PLEKHG3: variants seen among roughly 807,000 people sequenced by gnomAD.
PLEKHG3 encodes pleckstrin homology and RhoGEF domain containing G3.
In PLEKHG3, 62 loss-of-function variants were observed where a neutral mutation model predicts 94.9. The ratio of observed to expected loss-of-function variants is 0.65; its 90% CI spans 0.53 to 0.81. The LOEUF (loss-of-function observed/expected upper bound fraction) is 0.81, where lower values mean the gene tolerates loss of function less well. PLEKHG3 is among the 30% of genes least tolerant of loss of function. PLEKHG3 has a pLI of 0.00. For synonymous variants in PLEKHG3, 614 were observed against 654.0 expected, an observed-to-expected ratio of 0.94 and a Z score of 0.93; for missense variants, 1,461 against 1,619.3, an observed-to-expected ratio of 0.90 and a Z score of 1.68.
At chr14:64,710,266 G>A (rs1034662130) in intron 1 of PLEKHG3, among the ~76,000 whole-genome samples, 3 of 152,178 alleles carry the variant, frequency 2.0e-5, no homozygotes, top group Admixed American at 1.3e-4. Context: ...CAAGAAGGTC[G>A]AGGACTCAAG....
At position 64,725,161 on chromosome 14, in the gene PLEKHG3, C is replaced by G. The variant is rs959672611; in HGVS notation, c.-39-2432C>G. ...CCAGAGAGGGACCCTCAAAAGGTCC[C>G]TTTTAGAGACAAATCTCCCTAATGG... On this transcript the variant is annotated intron_variant, in intron 1 of 16. Coordinates refer to ENST00000247226, the MANE Select transcript of PLEKHG3 (RefSeq NM_001308147.2). The surrounding 1 kb of genome is among the most constrained non-coding windows in gnomAD (Gnocchi z 5.0). Among the ~76,000 whole-genome samples the G allele has an allele frequency of 6.6e-6, 1 of 152,174 alleles. No homozygotes were observed. Among genetic ancestry groups the G allele is most frequent in the Non-Finnish European group, 1.5e-5 (1 of 68,022 alleles).
chr14:64,745,889 G>T lies in PLEKHG3; in HGVS notation c.*2186G>T, dbSNP rs989313833. 2 of 152,158 alleles carry T rather than the reference G, an allele frequency of 1.3e-5. No homozygotes were observed. Among genetic ancestry groups the T allele is most frequent in the African/African-American group, 4.8e-5 (2 of 41,408 alleles). 9.4% of individuals were successfully genotyped at this position (152,158 alleles called of 1,614,324 possible). On this transcript the variant is annotated 3_prime_UTR_variant, in exon 17 of 17. Transcript: ENST00000247226. The surrounding 1 kb of genome is among the most constrained non-coding windows in gnomAD (Gnocchi z 5.0). ...TGGCTGCCCATTGGAATTATCTGGG[G>T]AGCCTTCTGGAAACGCAGTGCTTAC... is the stretch of plus-strand genomic sequence containing the variant.
Position 64,728,853 on chromosome 14 carries a change from A to G in PLEKHG3, c.352-143A>G. On this transcript the variant is annotated intron_variant, in intron 2 of 16. Coordinates refer to ENST00000247226, the MANE Select transcript of PLEKHG3 (RefSeq NM_001308147.2). This position sits in a 1 kb window ranked among gnomAD's most constrained non-coding sequence, Gnocchi z 5.9. ...TCACATTCTGGGGTTCCAAGTGGAC[A>G]TGAATTTTGGGGTGGACACTGTCTC... is the stretch of plus-strand genomic sequence containing the variant. The G allele has an allele frequency of 2.0e-6, 1 of 510,586 alleles. No homozygotes were observed. 31.6% of individuals were successfully genotyped at this position (510,586 alleles called of 1,614,324 possible).
rs2139400090 is a variant in PLEKHG3, at chr14:64,743,231, C to T, written c.3188C>T (p.Ala1063Val). Residue 1063 changes from alanine (A) to valine (V), a missense_variant, in exon 17 of 17, where the codon GCA (alanine) becomes GTA (valine). By Grantham distance (64) the Ala-to-Val change is moderately conservative (BLOSUM62 0). Around this residue, in one of 3 missense-constraint regions of PLEKHG3, gnomAD observed 1,201 missense variants for 1,295.5 expected, o/e 0.93. Coordinates refer to ENST00000247226, the MANE Select transcript of PLEKHG3 (RefSeq NM_001308147.2). The surrounding 1 kb of genome is among the most constrained non-coding windows in gnomAD (Gnocchi z 7.2). The part of the protein sequence containing the change: ...LCSKYASRDE[A>V]RRAGGGRPRG... ...TCCAAGTATGCCTCCCGCGATGAGG[C>T]ACGCCGAGCAGGGGGCGGCCGGCCC... 1 of 1,607,898 alleles carries T rather than the reference C, an allele frequency of 6.2e-7. No homozygotes were observed. Among genetic ancestry groups the T allele is most frequent in the Non-Finnish European group, 8.5e-7 (1 of 1,179,144 alleles).
At chr14:64,737,186 C>A (rs2081588182) in intron 13 of PLEKHG3, 170 bp from the exon 14 acceptor site, 2 of 660,930 alleles carry the variant, frequency 3.0e-6, no homozygotes, top group African/African-American at 1.8e-5. Context: ...CTCTGTCAGT[C>A]ATTCTTTTGA....
rs1179803973 is a variant in PLEKHG3 at position 64,746,272 on chromosome 14, TGAGA to T, written c.*2572_*2575del. The T allele has an allele frequency of 1.3e-5, 2 of 152,296 alleles. No homozygotes were observed. The highest frequency in any genetic ancestry group is 4.8e-5 in the African/African-American group (2 of 41,444). 9.4% of individuals were successfully genotyped at this position (152,296 alleles called of 1,614,324 possible). A position where few individuals can be genotyped will look rare whatever the true frequency, so the allele number is the denominator to read the frequency against. On this transcript the variant is annotated 3_prime_UTR_variant, in exon 17 of 17. Coordinates refer to ENST00000247226, the MANE Select transcript of PLEKHG3 (RefSeq NM_001308147.2). The surrounding 1 kb of genome is among the most constrained non-coding windows in gnomAD (Gnocchi z 4.9). ...AGAGGAGGCTAGTTAAATAAGAAAC[TGAGA>T]GAAACATGGAGCATTATTGATTTAT...
intron 1 of PLEKHG3, among the ~76,000 whole-genome samples, chr14:64,712,887 T>A (rs2139361716): frequency 6.6e-6 from 1 of 152,352 alleles, no homozygotes; most frequent in African/African-American, 2.4e-5. Flanking sequence ...TTCTTACTAA[T>A]CTTAGTGAAA....
Position 64,738,088 on chromosome 14 carries a change from C to T in PLEKHG3, c.1405-654C>T. 7.7e-7 allele frequency: 1 copy of T among 1,302,466 alleles called. No homozygotes were observed. Among genetic ancestry groups the T allele is most frequent in the Non-Finnish European group, 1.0e-6 (1 of 996,726 alleles). The allele number at this position is 1,302,466 out of a possible 1,614,324, so 80.7% of individuals were successfully genotyped here. A position where few individuals can be genotyped will look rare whatever the true frequency, so the allele number is the denominator to read the frequency against. On this transcript the variant is annotated intron_variant, in intron 14 of 16. Coordinates refer to ENST00000247226, the MANE Select transcript of PLEKHG3 (RefSeq NM_001308147.2). The surrounding 1 kb of genome is among the most constrained non-coding windows in gnomAD (Gnocchi z 4.8). ...GGGGCTGGGCCGGAGCCCCCAGGCT[C>T]AGAGGAGGAGGAGGAGGAGCAGGAG...
Position 64,727,488 on chromosome 14 carries a change from A to G in PLEKHG3, c.-39-105A>G, listed in dbSNP as rs949322731. The G allele has an allele frequency of 3.4e-6, 2 of 593,252 alleles. No individual in the cohort carries two copies. Among genetic ancestry groups the G allele is most frequent in the Non-Finnish European group, 6.1e-6 (2 of 330,282 alleles). 36.7% of individuals were successfully genotyped at this position (593,252 alleles called of 1,614,324 possible). ...TAAAACTGAACTCTGGATGCACTAA[A>G]TAATACCTTCCCACCCCACCTGCCC... On this transcript the variant is annotated intron_variant, in intron 1 of 16. Coordinates refer to ENST00000247226, the MANE Select transcript of PLEKHG3 (RefSeq NM_001308147.2). The surrounding 1 kb of genome is among the most constrained non-coding windows in gnomAD (Gnocchi z 6.0).
intron 16 of PLEKHG3, among the ~76,000 whole-genome samples, 155 bp downstream of exon 16, chr14:64,742,610 G>A (rs1052891224): frequency 1.3e-5 from 2 of 152,232 alleles, no homozygotes; most frequent in African/African-American, 4.8e-5. Flanking sequence ...GTGAGCCCTG[G>A]CAGCCAGTCC....
chr14:64,737,094 G>GCCTCATGCCCTTTCCT (rs2081586308), intron 13 of PLEKHG3: 1 of 656,484 alleles, frequency 1.5e-6, no homozygotes, highest in African/African-American at 1.8e-5. Flanking sequence ...CCATGCACAG[G>GCCTCATGCCCTTTCCT]CCTCATGCCC....
At position 64,726,320 on chromosome 14, in the gene PLEKHG3, CAT is replaced by C. The variant is rs1288072844; in HGVS notation, c.-39-1272_-39-1271del. Among the ~76,000 whole-genome samples, 1 of 152,124 alleles carries C rather than the reference CAT, an allele frequency of 6.6e-6. No individual in the cohort carries two copies. The highest frequency in any genetic ancestry group is 2.4e-5 in the African/African-American group (1 of 41,410). On this transcript the variant is annotated intron_variant, in intron 1 of 16. Transcript: ENST00000247226. The surrounding 1 kb of genome is among the most constrained non-coding windows in gnomAD (Gnocchi z 5.1). ...GTAGCTCAAGTCTCTGCCCTTTAGT[CAT>C]GTCTGGGGTCTAGTCACTTCTGAGC...
Position 64,730,835 on chromosome 14 carries a change from G to A in PLEKHG3, c.603G>A (p.Lys201=), listed in dbSNP as rs1485907926. 1.9e-6 allele frequency: 3 copies of A among 1,613,520 alleles called. No homozygotes were observed. The highest frequency in any genetic ancestry group is 2.5e-6 in the Non-Finnish European group (3 of 1,179,978). Residue 201 remains lysine, a synonymous_variant, in exon 6 of 17, where the codon AAG becomes AAA. Transcript: ENST00000247226. This position sits in a 1 kb window ranked among gnomAD's most constrained non-coding sequence, Gnocchi z 5.4. ...CCCTGACGGAATGCATGCGGGACAA[G>A]CAGCAGGCCAAGTTCTTTCGGGACC... The part of the protein sequence containing the change: ...VAALTECMRD[K]QQAKFFRDRQ...
chr14:64,705,874 C>T (rs1015594084), intron 1 of PLEKHG3, among the ~76,000 whole-genome samples: 54 of 152,324 alleles, frequency 3.5e-4, no homozygotes, highest in African/African-American at 1.1e-3. Flanking sequence ...CTCTGTTATA[C>T]ATCTCTCCCC....
chr14:64,730,107 GAGGCTAGAAGCCCC>G lies in PLEKHG3; in HGVS notation c.450-133_450-120del. The stretch of plus-strand genomic sequence containing the variant: ...TGCTGCCTGGGGCAGGACTCCCTCT[GAGGCTAGAAGCCCC>G]AGTTCTTTAGCAAAGCAATAGGGCT... On this transcript the variant is annotated intron_variant, in intron 3 of 16. Transcript: ENST00000247226. The surrounding 1 kb of genome is among the most constrained non-coding windows in gnomAD (Gnocchi z 5.4). 1.7e-6 allele frequency: 1 copy of G among 602,418 alleles called. No homozygotes were observed. The highest frequency in any genetic ancestry group is 3.0e-6 in the Non-Finnish European group (1 of 336,662). The allele number at this position is 602,418 out of a possible 1,614,324, so 37.3% of individuals were successfully genotyped here. A position where few individuals can be genotyped will look rare whatever the true frequency, so the allele number is the denominator to read the frequency against.
chr14:64,741,302 A>G lies in PLEKHG3; in HGVS notation c.1785A>G (p.Pro595=). The G allele has an allele frequency of 3.1e-6, 5 of 1,613,582 alleles. No homozygotes were observed. The highest frequency in any genetic ancestry group is 1.3e-5 in the African/African-American group (1 of 74,954). Residue 595 remains proline (P), a synonymous_variant, in exon 16 of 17, where the codon CCA becomes CCG. Transcript: ENST00000247226. Reference sequence around the variant, plus strand: ...CCCAGGAGCCTGAGAGCCTTCTGCCACCCTCTGTGCTGGACCAGGCCAGCG... The same window carrying G: ...CCCAGGAGCCTGAGAGCCTTCTGCCGCCCTCTGTGCTGGACCAGGCCAGCG... ...GAAQEPESLL[P]PSVLDQASVI...
rs2081174924 is a variant in PLEKHG3 at position 64,716,923 on chromosome 14, C to T, written c.-39-10670C>T. Among the ~76,000 whole-genome samples, 1 of 152,220 alleles carries T rather than the reference C, an allele frequency of 6.6e-6. No homozygotes were observed. Among genetic ancestry groups the T allele is most frequent in the Admixed American group, 6.5e-5 (1 of 15,286 alleles). On this transcript the variant is annotated intron_variant, in intron 1 of 16. Coordinates refer to ENST00000247226, the MANE Select transcript of PLEKHG3 (RefSeq NM_001308147.2). This position sits in a 1 kb window ranked among gnomAD's most constrained non-coding sequence, Gnocchi z 5.0. ...CCCAGCTGAGGCAGGAAGTGCCCCTCCTCTACCCAGGAACTGGTTGGATGA... is the reference window on the plus strand; with the variant it reads ...CCCAGCTGAGGCAGGAAGTGCCCCTTCTCTACCCAGGAACTGGTTGGATGA...
In PLEKHG3 at chr14:64,718,304, T is replaced by C. The variant is rs2139368865; in HGVS notation, c.-39-9289T>C. Among the ~76,000 whole-genome samples, 1 of 152,342 alleles carries C rather than the reference T, an allele frequency of 6.6e-6. No individual in the cohort carries two copies. Among genetic ancestry groups the C allele is most frequent in the Middle Eastern group, 3.4e-3 (1 of 294 alleles). On this transcript the variant is annotated intron_variant, in intron 1 of 16. Transcript: ENST00000247226. The surrounding 1 kb of genome is among the most constrained non-coding windows in gnomAD (Gnocchi z 5.0). ...TCTTCAAAGACAGGGACAATGTCTT[T>C]TTCATGTCATATCCCCAGGCCCTGG...
At position 64,738,108 on chromosome 14, in the gene PLEKHG3, CAGG is replaced by C; in HGVS notation, c.1405-628_1405-626del. The C allele has an allele frequency of 7.7e-7, 1 of 1,301,124 alleles. No homozygotes were observed. The highest frequency in any genetic ancestry group is 1.0e-6 in the Non-Finnish European group (1 of 995,832). The allele number at this position is 1,301,124 out of a possible 1,614,324, so 80.6% of individuals were successfully genotyped here. A position where few individuals can be genotyped will look rare whatever the true frequency, so the allele number is the denominator to read the frequency against. On this transcript the variant is annotated intron_variant, in intron 14 of 16. Transcript: ENST00000247226. The surrounding 1 kb of genome is among the most constrained non-coding windows in gnomAD (Gnocchi z 4.8). ...AGGCTCAGAGGAGGAGGAGGAGGAG[CAGG>C]AGGAGAGCCTGGCGGTGGCGGAGCA... is the stretch of plus-strand genomic sequence containing the variant.
Sources: gnomAD v4.1 joint callset for allele counts (sites outside exome capture counted in the v4.1 genomes callset) on GRCh38, gnomAD v4.1.1 for gene constraint, gnomAD v4.1.1 regional missense constraint, Gnocchi (gnomAD v3.1) non-coding constraint, MANE v1.5 for transcripts, NCBI Gene and HGNC (gene_info 2026-07-23, HGNC 2026-07-21) for gene names.